Variants in PHC2 observed in about 807,000 individuals in gnomAD.
PHC2 encodes polyhomeotic-like protein 2.
PHC2 carries 29 observed loss-of-function variants against 87.4 expected under a neutral mutation model. That is an observed-to-expected ratio of 0.33 (90% confidence interval 0.25 to 0.45). The LOEUF (loss-of-function observed/expected upper bound fraction) is 0.45. Ranked by LOEUF, PHC2 falls within the 20% of genes least tolerant of loss-of-function variation. The probability of loss-of-function intolerance (pLI) is 1.00; values close to 1 mark genes in which losing one functional copy is unlikely to be tolerated. For synonymous variants in PHC2, 438 were observed against 461.7 expected (o/e 0.95, Z 0.66); for missense variants, 857 against 1,136.7 (o/e 0.75, Z 3.54).
chr1:33,412,275 G>C (rs1465889679), intron 1 of PHC2, among the ~76,000 whole-genome samples: 3 of 152,290 alleles, frequency 2.0e-5, no homozygotes, highest in East Asian at 1.9e-4. Flanking sequence ...AACTCGACCA[G>C]GGTTACAATT....
chr1:33,421,788 T>C (rs1650444639), intron 1 of PHC2, among the ~76,000 whole-genome samples: 1 of 152,220 alleles, frequency 6.6e-6, no homozygotes, highest in African/African-American at 2.4e-5. Flanking sequence ...GTAAACATAC[T>C]GGCAGTAGAC....
chr1:33,324,786 G>A lies in PHC2; in HGVS notation c.*79C>T. The A allele has an allele frequency of 6.8e-7, 1 of 1,465,628 alleles. No homozygotes were observed. The highest frequency in any genetic ancestry group is 9.1e-7 in the Non-Finnish European group (1 of 1,094,410). The allele number at this position is 1,465,628 out of a possible 1,614,324, so 90.8% of individuals were successfully genotyped here. A position where few individuals can be genotyped will look rare whatever the true frequency, so the allele number is the denominator to read the frequency against. On this transcript the variant is annotated 3_prime_UTR_variant, in exon 15 of 15. Transcript: ENST00000683057. ...CTGCCCTCCAACCGGCCCCATTTCT[G>A]GGCCCCTCAGGAATGTCTGTCTGGC...
chr1:33,421,330 G>T lies in PHC2; in HGVS notation c.-55+9646C>A, dbSNP rs531669099. Among the ~76,000 whole-genome samples, 15 of 152,312 alleles carry T rather than the reference G, an allele frequency of 9.8e-5. 1 individual carries two copies. Among genetic ancestry groups the T allele is most frequent in the African/African-American group, 3.6e-4 (15 of 41,558 alleles). ...TAAAGGACAGGAAGTAGGGCAAAGT[G>T]TGTGACTAAGAGCGCTGACACACAG... On this transcript the variant is annotated intron_variant, in intron 1 of 14. Coordinates refer to ENST00000683057, the MANE Select transcript of PHC2 (RefSeq NM_001385109.1).
At chr1:33,426,404 C>T (rs1338949405) in intron 1 of PHC2, among the ~76,000 whole-genome samples, 1 of 152,070 alleles carries the variant, frequency 6.6e-6, no homozygotes, top group African/African-American at 2.4e-5. Context: ...TTGTAGTGTA[C>T]CTGTTCCACT....
chr1:33,430,050 C>A (rs1471356703), intron 1 of PHC2, among the ~76,000 whole-genome samples: 1 of 152,078 alleles, frequency 6.6e-6, no homozygotes, highest in Non-Finnish European at 1.5e-5. Flanking sequence ...ACACTGTGAG[C>A]CTAAAGCTGC....
chr1:33,370,260 C>T (rs1281521949), intron 5 of PHC2, among the ~76,000 whole-genome samples, 161 bp downstream of exon 5: 1 of 152,146 alleles, frequency 6.6e-6, no homozygotes, highest in South Asian at 2.1e-4. Context: ...TGTACCAAAG[C>T]TCCCACTCAG....
At chr1:33,341,516 TC>T (rs1646744695) in intron 9 of PHC2, among the ~76,000 whole-genome samples, 1 of 152,204 alleles carries the variant, frequency 6.6e-6, no homozygotes, top group East Asian at 1.9e-4. Flanking sequence ...GATCCCTGAA[TC>T]TAGTTAATCA....
intron 7 of PHC2, 117 bp downstream of exon 7, chr1:33,366,999 G>C: frequency 2.3e-6 from 2 of 884,742 alleles, no homozygotes; most frequent in Non-Finnish European, 3.5e-6. Flanking sequence ...GGAGGAGAGA[G>C]AGATCCATGG....
At chr1:33,343,311 A>AT (rs1646781097) in intron 9 of PHC2, among the ~76,000 whole-genome samples, 1 of 149,216 alleles carries the variant, frequency 6.7e-6, no homozygotes, top group Non-Finnish European at 1.5e-5. Flanking sequence ...AAATACAAAA[A>AT]AAAAAATAAA....
intron 13 of PHC2, 74 bp from the exon 14 acceptor site, chr1:33,329,220 T>C: frequency 1.4e-6 from 2 of 1,466,152 alleles, no homozygotes; most frequent in South Asian, 2.5e-5. Flanking sequence ...AAGGAGGTAT[T>C]TCTCCTTTTT....
chr1:33,385,539 G>T lies in PHC2; in HGVS notation c.-54-9946C>A, dbSNP rs116868502. 1.7e-4 allele frequency among the ~76,000 whole-genome samples: 26 copies of T among 152,312 alleles called. No homozygotes were observed. In the East Asian group the frequency reaches 5.0e-3, roughly 29 times the overall value. On this transcript the variant is annotated intron_variant, in intron 1 of 14. Coordinates refer to ENST00000683057, the MANE Select transcript of PHC2 (RefSeq NM_001385109.1). ...GGTTTTAAATAATAGGTAAAACAAT[G>T]CATTTAAAACATCCAGCACAGCTTA...
rs1646911909 is a variant in PHC2 at position 33,349,352 on chromosome 1, C to G, written c.1558+5049G>C. ...TGTGCGGGGCCTGGGGACGCGGAAG[C>G]TGCGGCGCGCCGAGGTGACACGGCT... On this transcript the variant is annotated intron_variant, in intron 9 of 14. Transcript: ENST00000683057. This position sits in a 1 kb window ranked among gnomAD's most constrained non-coding sequence, Gnocchi z 4.2. 1.0e-6 allele frequency: 1 copy of G among 985,278 alleles called. No individual in the cohort carries two copies. Among genetic ancestry groups the G allele is most frequent in the Non-Finnish European group, 1.2e-6 (1 of 829,958 alleles). The allele number at this position is 985,278 out of a possible 1,614,324, so 61.0% of individuals were successfully genotyped here.
chr1:33,331,335 T>G lies in PHC2; in HGVS notation c.2006+13A>C. On this transcript the variant is annotated intron_variant, in intron 12 of 14. Transcript: ENST00000683057. The surrounding 1 kb of genome is among the most constrained non-coding windows in gnomAD (Gnocchi z 5.2). The stretch of plus-strand genomic sequence containing the variant: ...GCAGTCCTGGGGAAATGGAGGGGGC[T>G]GGGGCCACTCACCTCTTTGCACAAG... 6.9e-7 allele frequency: 1 copy of G among 1,444,386 alleles called. No homozygotes were observed. Among genetic ancestry groups the G allele is most frequent in the Non-Finnish European group, 9.7e-7 (1 of 1,026,506 alleles). The allele number at this position is 1,444,386 out of a possible 1,614,324, so 89.5% of individuals were successfully genotyped here. A position where few individuals can be genotyped will look rare whatever the true frequency, so the allele number is the denominator to read the frequency against.
intron 7 of PHC2, 23 bp downstream of exon 7, chr1:33,367,093 T>C (rs758403531): frequency 6.4e-7 from 1 of 1,572,972 alleles, no homozygotes; most frequent in South Asian, 1.1e-5. Flanking sequence ...TGGGAAAGGA[T>C]TCCTGCTTCC....
At chr1:33,371,367 T>C (rs1647823224) in intron 3 of PHC2, among the ~76,000 whole-genome samples, 1 of 152,084 alleles carries the variant, frequency 6.6e-6, no homozygotes. Context: ...GGCCACCGCC[T>C]TCGGTGTGTG....
At chr1:33,421,344 G>A (rs570003231) in intron 1 of PHC2, among the ~76,000 whole-genome samples, 15 of 152,096 alleles carry the variant, frequency 9.9e-5, no homozygotes, top group Non-Finnish European at 1.8e-4. Flanking sequence ...GACTAAGAGC[G>A]CTGACACACA....
chr1:33,401,088 A>G (rs957924960), intron 1 of PHC2, among the ~76,000 whole-genome samples: 6 of 152,140 alleles, frequency 3.9e-5, no homozygotes, highest in Non-Finnish European at 7.4e-5. Context: ...GCACTTTGGG[A>G]GGCCGAGGTA....
In PHC2 at chr1:33,369,366, G is replaced by A. The variant is rs1570492107; in HGVS notation, c.577-744C>T. ...AGCGCAGCTGTGCTTTTTCCTCTGT[G>A]GGTGTATGCCCTGCTCTGGGGAGGG... is the stretch of plus-strand genomic sequence containing the variant. On this transcript the variant is annotated intron_variant, in intron 5 of 14. Transcript: ENST00000683057. The surrounding 1 kb of genome is among the most constrained non-coding windows in gnomAD (Gnocchi z 4.7). Among the ~76,000 whole-genome samples the A allele has an allele frequency of 6.6e-6, 1 of 152,294 alleles. No homozygotes were observed. The highest frequency in any genetic ancestry group is 1.9e-4 in the East Asian group (1 of 5,178).
Position 33,332,168 on chromosome 1 carries a change from A to ACTCG in PHC2, c.1891+103_1891+106dup. 7.8e-7 allele frequency: 1 copy of ACTCG among 1,279,168 alleles called. No homozygotes were observed. Among genetic ancestry groups the ACTCG allele is most frequent in the Non-Finnish European group, 1.1e-6 (1 of 899,512 alleles). The allele number at this position is 1,279,168 out of a possible 1,614,324, so 79.2% of individuals were successfully genotyped here. ...GAGGTGCTGGGGGAAATGTTTACAG[A>ACTCG]CTCGCTGGCTCAGGGTTCCTCTGGG... On this transcript the variant is annotated intron_variant, in intron 11 of 14. Transcript: ENST00000683057. This position sits in a 1 kb window ranked among gnomAD's most constrained non-coding sequence, Gnocchi z 4.2.
Sources: gnomAD v4.1 joint callset for allele counts (sites outside exome capture counted in the v4.1 genomes callset) on GRCh38, gnomAD v4.1.1 for gene constraint, Gnocchi (gnomAD v3.1) non-coding constraint, MANE v1.5 for transcripts, NCBI Gene and HGNC (gene_info 2026-07-23, HGNC 2026-07-21) for gene names.